BTAF1: variants seen among roughly 807,000 people sequenced by gnomAD.
The protein encoded by BTAF1 is TATA-binding protein-associated factor 172.
Under a neutral mutation model 227.1 loss-of-function variants are expected in BTAF1, and 38 were observed. The observed-to-expected ratio is 0.17, with a 90% CI of 0.13 to 0.22. The LOEUF is 0.22. Ranked by LOEUF, BTAF1 falls within the 10% of genes least tolerant of loss-of-function variation. The pLI is 1.00. For synonymous variants in BTAF1, 742 were observed against 751.9 expected (o/e 0.99, Z 0.21); for missense variants, 1,598 against 2,204.0 (o/e 0.73, Z 5.51).
In BTAF1 at chr10:91,942,442, A is replaced by C; in HGVS notation, c.274A>C (p.Met92Leu). 6.2e-7 allele frequency: 1 copy of C among 1,613,912 alleles called. No homozygotes were observed. The highest frequency in any genetic ancestry group is 1.7e-4 in the Middle Eastern group (1 of 6,060). The change falls in exon 4 of 38, where the codon ATG (methionine) becomes CTG (leucine). Residue 92 changes from methionine (M) to leucine (L), a missense_variant. Physicochemically the swap from Met to Leu is conservative, Grantham distance 15. Coordinates refer to ENST00000265990, the MANE Select transcript of BTAF1 (RefSeq NM_003972.3). ...TRQEPTSESS[M>L]EDSPTTERLN... The stretch of plus-strand genomic sequence containing the variant: ...TGTAGAACCTACTTCCGAAAGTTCT[A>C]TGGAAGATTCACCTACTACAGAGCG...
chr10:91,966,695 A>G lies in BTAF1; in HGVS notation c.1588A>G (p.Ile530Val), dbSNP rs1250755571. ...PRVWPFLHHT[I>V]SSVRRAALET... Reference sequence around the variant, plus strand: ...TGTCTGGCCTTTTTTGCATCACACTATATCATCAGTTCGAAGAGCAGCATT... The same window carrying G: ...TGTCTGGCCTTTTTTGCATCACACTGTATCATCAGTTCGAAGAGCAGCATT... Residue 530 changes from isoleucine (I) to valine (V), a missense_variant, in exon 14 of 38, where the codon ATA (isoleucine) becomes GTA (valine). Physicochemically the swap from Ile to Val is conservative, Grantham distance 29. This residue lies in a region of BTAF1 where 318 missense variants were observed against 435.0 expected (regional missense o/e 0.73). Coordinates refer to ENST00000265990, the MANE Select transcript of BTAF1 (RefSeq NM_003972.3). The G allele has an allele frequency of 1.9e-6, 3 of 1,613,904 alleles. No homozygotes were observed. Among genetic ancestry groups the G allele is most frequent in the Admixed American group, 1.7e-5 (1 of 59,998 alleles).
At chr10:91,970,085 AT>A (rs5786982) in intron 14 of BTAF1, among the ~76,000 whole-genome samples, 3 of 146,824 alleles carry the variant, frequency 2.0e-5, no homozygotes, top group African/African-American at 5.0e-5. Flanking sequence ...TTGTCCAGGG[AT>A]TTTTTTTTTT....
chr10:91,971,232 C>T (rs1188837615), intron 14 of BTAF1, among the ~76,000 whole-genome samples: 1 of 152,122 alleles, frequency 6.6e-6, no homozygotes, highest in Non-Finnish European at 1.5e-5. Flanking sequence ...CCTTTATCTT[C>T]AGCGTATCTC....
chr10:92,014,647 C>T (rs1040810992), intron 32 of BTAF1, among the ~76,000 whole-genome samples: 1 of 152,186 alleles, frequency 6.6e-6, no homozygotes, highest in Admixed American at 6.5e-5. Flanking sequence ...ATGCTGTCCT[C>T]ACAACATTAT....
intron 2 of BTAF1, among the ~76,000 whole-genome samples, chr10:91,935,989 A>G (rs948177567): frequency 6.6e-6 from 1 of 151,526 alleles, no homozygotes; most frequent in Admixed American, 6.6e-5. Context: ...TGCCTGTGGC[A>G]CAAATTTGAA....
At chr10:91,995,481 C>G (rs1849071798) in intron 23 of BTAF1, among the ~76,000 whole-genome samples, 1 of 151,650 alleles carries the variant, frequency 6.6e-6, no homozygotes. Context: ...TCAAGACCAG[C>G]CTGGCCAATA....
At chr10:92,028,281 C>G (rs1251034790) in intron 37 of BTAF1, among the ~76,000 whole-genome samples, 6 of 152,080 alleles carry the variant, frequency 3.9e-5, no homozygotes. Context: ...GGCCTATTGC[C>G]ATAAAAGGCA....
chr10:92,002,423 A>T (rs1432439111), intron 25 of BTAF1, among the ~76,000 whole-genome samples: 1 of 152,122 alleles, frequency 6.6e-6, no homozygotes, highest in Admixed American at 6.5e-5. Context: ...GACACTCACG[A>T]GGGGTTGCTG....
intron 25 of BTAF1, among the ~76,000 whole-genome samples, chr10:92,001,604 A>C (rs1208035343): frequency 6.6e-6 from 1 of 152,188 alleles, no homozygotes; most frequent in Non-Finnish European, 1.5e-5. Context: ...GGTTCTAATT[A>C]ATTTCAGCTA....
chr10:91,984,322 T>C lies in BTAF1; in HGVS notation c.2345T>C (p.Ile782Thr). 1.2e-6 allele frequency: 2 copies of C among 1,613,616 alleles called. No individual in the cohort carries two copies. The highest frequency in any genetic ancestry group is 1.7e-6 in the Non-Finnish European group (2 of 1,179,662). The change falls in exon 19 of 38, where the codon ATA (isoleucine) becomes ACA (threonine). Residue 782 changes from isoleucine to threonine, a missense_variant. By Grantham distance (89) the Ile-to-Thr change is moderately conservative (BLOSUM62 -1). This residue lies in a region of BTAF1 where 318 missense variants were observed against 435.0 expected (regional missense o/e 0.73). Coordinates refer to ENST00000265990, the MANE Select transcript of BTAF1 (RefSeq NM_003972.3). ...ATGCAGAATGAATGTAAACAACTTATATCATCATTAGCTGATGTACATATT... is the reference window on the plus strand; with the variant it reads ...ATGCAGAATGAATGTAAACAACTTACATCATCATTAGCTGATGTACATATT... ...TRMQNECKQL[I>T]SSLADVHIEV...
chr10:91,969,496 T>G (rs1157995874), intron 14 of BTAF1, among the ~76,000 whole-genome samples: 1 of 152,190 alleles, frequency 6.6e-6, no homozygotes, highest in African/African-American at 2.4e-5. Flanking sequence ...TGTGGGAATA[T>G]TGAGATACAT....
intron 12 of BTAF1, among the ~76,000 whole-genome samples, chr10:91,963,189 C>T (rs1846644255): frequency 6.6e-6 from 1 of 152,016 alleles, no homozygotes; most frequent in African/African-American, 2.4e-5. Context: ...CCCCACTCTC[C>T]TGGGCTCAAG....
intron 14 of BTAF1, among the ~76,000 whole-genome samples, chr10:91,967,873 T>A (rs1156994427): frequency 6.6e-6 from 1 of 152,210 alleles, no homozygotes; most frequent in Admixed American, 6.5e-5. Context: ...TTTTTGTATA[T>A]ATGGACTTTA....
intron 14 of BTAF1, among the ~76,000 whole-genome samples, chr10:91,973,139 T>C (rs1049217617): frequency 6.6e-6 from 1 of 152,214 alleles, no homozygotes; most frequent in Non-Finnish European, 1.5e-5. Context: ...CAATCCTTTA[T>C]GGAAGCAATC....
rs190863417 is a variant in BTAF1 at position 92,011,216 on chromosome 10, T to G, written c.4181+66T>G. 406 of 1,518,466 alleles carry G rather than the reference T, an allele frequency of 2.7e-4. 1 individual carries two copies. The African/African-American group carries it at 5.1e-3, about 19-fold the overall frequency. 94.1% of individuals were successfully genotyped at this position (1,518,466 alleles called of 1,614,324 possible). A position where few individuals can be genotyped will look rare whatever the true frequency, so the allele number is the denominator to read the frequency against. ...TTGAAGACTCTTAATATTTTCCCACTTTAAAGATTCTTCATATAGTTCCTG... is the reference window on the plus strand; with the variant it reads ...TTGAAGACTCTTAATATTTTCCCACGTTAAAGATTCTTCATATAGTTCCTG... On this transcript the variant is annotated intron_variant, in intron 29 of 37. Coordinates refer to ENST00000265990, the MANE Select transcript of BTAF1 (RefSeq NM_003972.3).
rs1176329048 is a variant in BTAF1, at chr10:91,957,237, C to G, written c.844C>G (p.Pro282Ala). ...TTTTCTTATTCAGACAAATGAATGG[C>G]CTTTGGAAAGCTTTTGTGAAGAACT... is the stretch of plus-strand genomic sequence containing the variant. ...SSLIEETNEW[P>A]LESFCEELCN... The change falls in exon 8 of 38, where the codon CCT (proline) becomes GCT (alanine). Residue 282 changes from proline to alanine, a missense_variant. Around this residue, in one of 10 missense-constraint regions of BTAF1, gnomAD observed 298 missense variants for 395.2 expected, o/e 0.75. Transcript: ENST00000265990. 1.2e-6 allele frequency: 2 copies of G among 1,612,178 alleles called. No homozygotes were observed. Among genetic ancestry groups the G allele is most frequent in the Non-Finnish European group, 1.7e-6 (2 of 1,178,842 alleles).
At chr10:91,999,841 C>T (rs765691592) in intron 25 of BTAF1, among the ~76,000 whole-genome samples, 2 of 152,054 alleles carry the variant, frequency 1.3e-5, no homozygotes, top group African/African-American at 2.4e-5. Context: ...ACATAGGATT[C>T]CTTTTTTATT....
chr10:91,957,151 T>G, intron 7 of BTAF1, 74 bp from the exon 8 acceptor site: 1 of 1,265,404 alleles, frequency 7.9e-7, no homozygotes, highest in South Asian at 1.3e-5. Context: ...AGAAATAAAA[T>G]TTATTAAGTT....
chr10:92,021,708 A>T (rs547649050), intron 34 of BTAF1, among the ~76,000 whole-genome samples: 6 of 150,698 alleles, frequency 4.0e-5, no homozygotes, highest in African/African-American at 1.2e-4. Context: ...CGCCCGGCTA[A>T]TTTTTTTTTG....
Sources: gnomAD v4.1 joint callset for allele counts (sites outside exome capture counted in the v4.1 genomes callset) on GRCh38, gnomAD v4.1.1 for gene constraint, gnomAD v4.1.1 regional missense constraint, MANE v1.5 for transcripts, NCBI Gene and HGNC (gene_info 2026-07-23, HGNC 2026-07-21) for gene names.